The following DOK7 variants were observed in gnomAD, a reference collection of about 807,000 sequenced individuals.
DOK7 encodes docking protein 7.
In DOK7, 32 loss-of-function variants were observed where a neutral mutation model predicts 30.7. The observed-to-expected ratio is 1.04, with a 90% CI of 0.79 to 1.40. The LOEUF (loss-of-function observed/expected upper bound fraction) is 1.40, where lower values mean the gene tolerates loss of function less well. Ranked by LOEUF, DOK7 falls within the 40% of genes most tolerant of loss-of-function variation. DOK7 has a pLI of 0.00. For synonymous variants in DOK7, 447 were observed against 324.1 expected (o/e 1.38, Z -4.07); for missense variants, 1,007 against 699.2 (o/e 1.44, Z -4.97).
At chr4:3,472,155 G>A (rs946518598) in intron 2 of DOK7, among the ~76,000 whole-genome samples, 6 of 152,276 alleles carry the variant, frequency 3.9e-5, no homozygotes, top group African/African-American at 1.4e-4. Context: ...TGCGGGCTGT[G>A]GCCATGTGGC....
intron 4 of DOK7, among the ~76,000 whole-genome samples, chr4:3,478,165 C>T (rs940562605): frequency 1.1e-4 from 17 of 152,302 alleles, no homozygotes; most frequent in East Asian, 7.7e-4. Context: ...GCCGGGGTGG[C>T]GCCGCGTGCT....
At chr4:3,468,516 A>ATGTGTG (rs1284349437) in intron 2 of DOK7, among the ~76,000 whole-genome samples, 33 of 106,856 alleles carry the variant, frequency 3.1e-4, no homozygotes, top group Non-Finnish European at 5.8e-4. Flanking sequence ...GTGTGCGTGT[A>ATGTGTG]TGAGTGTGTG....
At position 3,493,358 on chromosome 4, in the gene DOK7, G is replaced by A. The variant is rs1045272205; in HGVS notation, c.1372G>A (p.Ala458Thr). 1.9e-6 allele frequency: 3 copies of A among 1,596,916 alleles called. No homozygotes were observed. The highest frequency in any genetic ancestry group is 1.7e-4 in the Middle Eastern group (1 of 6,034). ...GTRRRGLVME[A>T]PQGSEATLPG... ...GAGACGGCGGGGCCTGGTGATGGAG[G>A]CCCCCCAGGGCAGCGAGGCCACACT... Residue 458 changes from alanine (A) to threonine (T), a missense_variant, in exon 7 of 7, where the codon GCC (alanine) becomes ACC (threonine). Physicochemically the swap from Ala to Thr is moderately conservative, Grantham distance 58. Coordinates refer to ENST00000340083, the MANE Select transcript of DOK7 (RefSeq NM_173660.5).
At chr4:3,500,520 T>TC (rs999206592) in intron 7 of DOK7, 17 of 1,473,270 alleles carry the variant, frequency 1.2e-5, no homozygotes, top group South Asian at 1.3e-5. Flanking sequence ...TCCTACAGCC[T>TC]CCCCCCAGGA....
rs370733852 is a variant in DOK7 at position 3,472,434 on chromosome 4, C to T, written c.101-972C>T. On this transcript the variant is annotated intron_variant, in intron 2 of 6. Transcript: ENST00000340083. ...TATGAGGTCCCAAAACCTACACCCT[C>T]GCCGAAGCCGGGTATCCTGGAGCCC... Among the ~76,000 whole-genome samples the T allele has an allele frequency of 1.7e-3, 261 of 152,336 alleles. 2 individuals are homozygous for T. The highest frequency in any genetic ancestry group is 5.8e-3 in the African/African-American group (243 of 41,576).
At position 3,494,452 on chromosome 4, in the gene DOK7, A is replaced by T; in HGVS notation, c.*951A>T. On this transcript the variant is annotated 3_prime_UTR_variant, in exon 7 of 7. Coordinates refer to ENST00000340083, the MANE Select transcript of DOK7 (RefSeq NM_173660.5). ...GTTTCTAAACCCAGACACTGTTTGT[A>T]ATAGACTGGAAATAAAATGTTCTTT... The T allele has an allele frequency of 2.0e-6, 2 of 985,416 alleles. No homozygotes were observed. The highest frequency in any genetic ancestry group is 2.4e-6 in the Non-Finnish European group (2 of 829,896). The allele number at this position is 985,416 out of a possible 1,614,324, so 61.0% of individuals were successfully genotyped here.
At chr4:3,464,237 C>T (rs572336279) in intron 2 of DOK7, among the ~76,000 whole-genome samples, 27 of 152,314 alleles carry the variant, frequency 1.8e-4, no homozygotes, top group Middle Eastern at 3.4e-3. Context: ...GTGGGATGCT[C>T]GGCCTGTGTG....
chr4:3,473,398 C>G lies in DOK7; in HGVS notation c.101-8C>G, dbSNP rs1180919232. The G allele has an allele frequency of 6.2e-7, 1 of 1,610,614 alleles. No homozygotes were observed. Among genetic ancestry groups the G allele is most frequent in the Admixed American group, 1.7e-5 (1 of 60,018 alleles). On this transcript the variant is annotated splice_polypyrimidine_tract_variant and splice_region_variant and intron_variant, in intron 2 of 6. Coordinates refer to ENST00000340083, the MANE Select transcript of DOK7 (RefSeq NM_173660.5). ...GGCTGGCGTCCCTGACGGCCACGCT[C>G]CTTGCAGACTGCCTGCTGATGCTGG...
At chr4:3,489,251 G>A (rs943769539) in intron 5 of DOK7, among the ~76,000 whole-genome samples, 9 of 152,134 alleles carry the variant, frequency 5.9e-5, no homozygotes, top group African/African-American at 2.2e-4. Flanking sequence ...TTCCCCAGGT[G>A]GAGGGGAGCC....
rs115864629 is a variant in DOK7 at position 3,500,938 on chromosome 4, G to A, written c.*113G>A. ...TCTGGTCCCCAGGGAGCTCCCAGTC[G>A]CAGGAGCAGGCATGGCCGGTCTCCG... On this transcript the variant is annotated 3_prime_UTR_variant, in exon 8 of 8. Coordinates refer to the DOK7 transcript ENST00000643608. 1.8e-3 allele frequency: 2,542 copies of A among 1,405,956 alleles called. 34 individuals are homozygous for A. In the African/African-American group the frequency reaches 0.03, roughly 17 times the overall value. 87.1% of individuals were successfully genotyped at this position (1,405,956 alleles called of 1,614,324 possible). A position where few individuals can be genotyped will look rare whatever the true frequency, so the allele number is the denominator to read the frequency against.
At chr4:3,488,787 G>C (rs1015564178) in intron 5 of DOK7, among the ~76,000 whole-genome samples, 2 of 146,390 alleles carry the variant, frequency 1.4e-5, no homozygotes, top group African/African-American at 5.6e-5. Flanking sequence ...TGCGGGTGTG[G>C]CTGTGGCTTC....
chr4:3,489,307 C>T (rs1728016417), intron 5 of DOK7, among the ~76,000 whole-genome samples: 2 of 152,016 alleles, frequency 1.3e-5, no homozygotes, highest in East Asian at 1.9e-4. Context: ...GCCCCTCTTG[C>T]AGCGAGGCCG....
At chr4:3,486,172 C>G (rs994692500) in intron 5 of DOK7, among the ~76,000 whole-genome samples, 1 of 152,200 alleles carries the variant, frequency 6.6e-6, no homozygotes, top group Non-Finnish European at 1.5e-5. Context: ...GAGGGGGTCT[C>G]GTCTTGTCTC....
chr4:3,464,996 C>T (rs1030035030), intron 2 of DOK7, among the ~76,000 whole-genome samples: 4 of 152,126 alleles, frequency 2.6e-5, no homozygotes, highest in African/African-American at 9.7e-5. Flanking sequence ...CTGGGGCTGG[C>T]GTGGGAGGTG....
chr4:3,463,458 G>GGC, intron 1 of DOK7, 29 bp downstream of exon 1: 2 of 1,424,572 alleles, frequency 1.4e-6, no homozygotes, highest in South Asian at 2.9e-5. Context: ...CGCGGGGGGG[G>GGC]GGGGCGCGGG....
Position 3,491,259 on chromosome 4 carries a change from ATTCATTCC to A in DOK7, c.772+1471_772+1478del, listed in dbSNP as rs200481443. ...TCTTTCATTCCTTCTCCCCTTGCTCATTCATTCCTTCATTCATTCCTTCCTCCGCCCCC... is the reference window on the plus strand; with the variant it reads ...TCTTTCATTCCTTCTCCCCTTGCTCATTCATTCATTCCTTCCTCCGCCCCC... On this transcript the variant is annotated intron_variant, in intron 6 of 6. Coordinates refer to ENST00000340083, the MANE Select transcript of DOK7 (RefSeq NM_173660.5). Among the ~76,000 whole-genome samples, 365 of 85,524 alleles carry A rather than the reference ATTCATTCC, an allele frequency of 4.3e-3. 2 individuals are homozygous for A. Among genetic ancestry groups the A allele is most frequent in the African/African-American group, 0.017 (354 of 20,408 alleles). 56.1% of individuals were successfully genotyped at this position (85,524 alleles called of 152,430 possible). A position where few individuals can be genotyped will look rare whatever the true frequency, so the allele number is the denominator to read the frequency against.
intron 4 of DOK7, among the ~76,000 whole-genome samples, chr4:3,477,594 G>C (rs1436058859): frequency 6.6e-6 from 1 of 152,252 alleles, no homozygotes; most frequent in Non-Finnish European, 1.5e-5. Flanking sequence ...TGGGGCCTTT[G>C]AGGAGACGAC....
intron 2 of DOK7, among the ~76,000 whole-genome samples, chr4:3,469,301 C>T (rs1296607190): frequency 3.3e-5 from 5 of 152,124 alleles, no homozygotes; most frequent in Non-Finnish European, 5.9e-5. Flanking sequence ...TGTCTCCTTT[C>T]AGCATCACGA....
chr4:3,496,349 C>CA (rs980867963), downstream of DOK7, among the ~76,000 whole-genome samples: 21 of 152,320 alleles, frequency 1.4e-4, 1 homozygote, highest in African/African-American at 4.8e-4. Flanking sequence ...GAGCCTTCCC[C>CA]ACCAGCTGCA....
Sources: gnomAD v4.1 joint callset for allele counts (sites outside exome capture counted in the v4.1 genomes callset) on GRCh38, gnomAD v4.1.1 for gene constraint, MANE v1.5 for transcripts, NCBI Gene and HGNC (gene_info 2026-07-23, HGNC 2026-07-21) for gene names.